CPED1: variants seen among roughly 807,000 people sequenced by gnomAD.
The protein encoded by CPED1 is cadherin like and PC-esterase domain containing 1.
A neutral mutation model predicts 128.2 loss-of-function variants in CPED1; 114 were observed. The observed-to-expected ratio is 0.89, with a 90% CI of 0.76 to 1.04. The LOEUF (loss-of-function observed/expected upper bound fraction) is 1.04. CPED1 is among the 50% of genes least tolerant of loss of function. The pLI is 0.00. For missense variants in CPED1, 1,211 were observed against 1,207.1 expected (o/e 1.00, Z -0.05); for synonymous variants, 462 against 426.7 (o/e 1.08, Z -1.02).
In CPED1 at chr7:121,256,148, T is replaced by TTATGCCA. The variant is rs1285675712; in HGVS notation, c.2311-10078_2311-10072dup. ...ACAAAACAAAAAAAAAAAACAAAGC[T>TTATGCCA]TATGCCAAAGACATAACTACCCAAC... On this transcript the variant is annotated intron_variant, in intron 18 of 22. Coordinates refer to ENST00000310396, the MANE Select transcript of CPED1 (RefSeq NM_024913.5). 1.6e-3 allele frequency among the ~76,000 whole-genome samples: 196 copies of TTATGCCA among 125,482 alleles called. 1 individual carries two copies. Among genetic ancestry groups the TTATGCCA allele is most frequent in the African/African-American group, 5.8e-3 (166 of 28,464 alleles). The allele number at this position is 125,482 out of a possible 152,430, so 82.3% of individuals were successfully genotyped here. A position where few individuals can be genotyped will look rare whatever the true frequency, so the allele number is the denominator to read the frequency against.
chr7:121,204,448 A>G (rs1257746310), intron 16 of CPED1, among the ~76,000 whole-genome samples: 2 of 152,126 alleles, frequency 1.3e-5, no homozygotes, highest in African/African-American at 4.8e-5. Flanking sequence ...TTTCAAGTCT[A>G]CCAGTCCACA....
At chr7:121,269,885 C>A (rs929503502) in intron 21 of CPED1, among the ~76,000 whole-genome samples, 4 of 152,018 alleles carry the variant, frequency 2.6e-5, no homozygotes, top group Non-Finnish European at 5.9e-5. Context: ...GCAGACTATA[C>A]AAGAAGCATG....
chr7:121,106,930 C>T (rs1486161114), intron 7 of CPED1, among the ~76,000 whole-genome samples: 1 of 152,074 alleles, frequency 6.6e-6, no homozygotes, highest in East Asian at 1.9e-4. Flanking sequence ...AGAGTAAAAA[C>T]CAAGCCTGGG....
In CPED1 at chr7:121,254,333, G is replaced by A. The variant is rs142518573; in HGVS notation, c.2310+9995G>A. Among the ~76,000 whole-genome samples, 451 of 151,984 alleles carry A rather than the reference G, an allele frequency of 3.0e-3. 3 individuals are homozygous for A. Among genetic ancestry groups the A allele is most frequent in the African/African-American group, 0.01 (428 of 41,506 alleles). On this transcript the variant is annotated intron_variant, in intron 18 of 22. Transcript: ENST00000310396. ...CTTTTGGGAGAAGAATGAAATTAAG[G>A]CATAAATTTAAAATTTGTTTGAAAT... is the stretch of plus-strand genomic sequence containing the variant.
chr7:121,069,913 T>C (rs1340923735), intron 5 of CPED1, among the ~76,000 whole-genome samples: 1 of 152,102 alleles, frequency 6.6e-6, no homozygotes, highest in Non-Finnish European at 1.5e-5. Flanking sequence ...TGCCCAATTT[T>C]TGGCCATAAC....
rs10682627 is a variant in CPED1, at chr7:121,027,742, GTAATAATAATAA to G, written c.433+11920_433+11931del. 3.6e-3 allele frequency among the ~76,000 whole-genome samples: 513 copies of G among 143,486 alleles called. 7 individuals carry two copies. The highest frequency in any genetic ancestry group is 0.013 in the Admixed American group (189 of 14,274). 94.1% of individuals were successfully genotyped at this position (143,486 alleles called of 152,430 possible). ...ACCAACAAGTTAATTATAACCTTTA[GTAATAATAATAA>G]TAATAATAATAATAATAATAATAAT... On this transcript the variant is annotated intron_variant, in intron 3 of 22. Coordinates refer to ENST00000310396, the MANE Select transcript of CPED1 (RefSeq NM_024913.5).
intron 5 of CPED1, among the ~76,000 whole-genome samples, chr7:121,092,100 C>T (rs1794585068): frequency 6.6e-6 from 1 of 152,124 alleles, no homozygotes; most frequent in Non-Finnish European, 1.5e-5. Flanking sequence ...TTCCAGGGGG[C>T]TTTGCTGATA....
At chr7:121,004,270 A>T (rs1005388803) in intron 2 of CPED1, among the ~76,000 whole-genome samples, 1 of 152,218 alleles carries the variant, frequency 6.6e-6, no homozygotes, top group African/African-American at 2.4e-5. Context: ...GATGCTATGC[A>T]TGGGATTGAC....
intron 16 of CPED1, among the ~76,000 whole-genome samples, chr7:121,147,636 A>G (rs1349288657): frequency 6.6e-6 from 1 of 152,120 alleles, no homozygotes; most frequent in African/African-American, 2.4e-5. Context: ...TAGATGATCT[A>G]TGGTATCATA....
chr7:121,193,611 G>T (rs1000230538), intron 16 of CPED1, among the ~76,000 whole-genome samples: 1 of 152,058 alleles, frequency 6.6e-6, no homozygotes, highest in East Asian at 1.9e-4. Context: ...CAAATGAAGG[G>T]CAGAGGAAAA....
At chr7:121,130,465 G>T (rs1267384749) in intron 12 of CPED1, among the ~76,000 whole-genome samples, 171 bp downstream of exon 12, 1 of 152,048 alleles carries the variant, frequency 6.6e-6, no homozygotes, top group Non-Finnish European at 1.5e-5. Flanking sequence ...AATGATTCTA[G>T]TGGTCTTCAA....
intron 16 of CPED1, among the ~76,000 whole-genome samples, chr7:121,188,405 C>T (rs1228766740): frequency 6.6e-6 from 1 of 152,088 alleles, no homozygotes; most frequent in African/African-American, 2.4e-5. Context: ...AGCATTTATC[C>T]TTTGCATCAC....
chr7:121,289,440 C>G (rs544703955), intron 22 of CPED1, among the ~76,000 whole-genome samples: 61 of 152,234 alleles, frequency 4.0e-4, no homozygotes, highest in African/African-American at 1.5e-3. Flanking sequence ...ACCAAAAGGT[C>G]ACTATTGTTA....
At chr7:121,259,782 A>C (rs891293868) in intron 18 of CPED1, among the ~76,000 whole-genome samples, 1 of 152,036 alleles carries the variant, frequency 6.6e-6, no homozygotes, top group African/African-American at 2.4e-5. Flanking sequence ...GCCAGTAATA[A>C]AATATCTGAG....
chr7:121,107,958 G>A (rs1310171502), intron 7 of CPED1, among the ~76,000 whole-genome samples: 6 of 152,026 alleles, frequency 3.9e-5, no homozygotes, highest in Non-Finnish European at 5.9e-5. Flanking sequence ...TGTCTTATGT[G>A]ATTTATTCAT....
chr7:121,050,757 C>A (rs759070542), intron 4 of CPED1: 5 of 453,354 alleles, frequency 1.1e-5, no homozygotes, highest in Non-Finnish European at 1.8e-5. Context: ...AGCCACCGTG[C>A]CCGGCCACAG....
intron 16 of CPED1, among the ~76,000 whole-genome samples, chr7:121,161,445 T>C (rs1355682868): frequency 5.9e-5 from 9 of 152,174 alleles, no homozygotes; most frequent in Admixed American, 5.9e-4. Context: ...TGAATCTCTC[T>C]CCCAGGATTT....
At chr7:121,114,917 G>A (rs529144071) in intron 7 of CPED1, among the ~76,000 whole-genome samples, 5 of 152,134 alleles carry the variant, frequency 3.3e-5, no homozygotes, top group South Asian at 2.1e-4. Context: ...ATGCATAATC[G>A]TCTGTTGATT....
Position 121,140,893 on chromosome 7 carries a change from T to C in CPED1, c.1766T>C (p.Phe589Ser). The C allele has an allele frequency of 6.2e-7, 1 of 1,612,600 alleles. No individual in the cohort carries two copies. Among genetic ancestry groups the C allele is most frequent in the East Asian group, 2.2e-5 (1 of 44,838 alleles). ...THPHLELNPD[F>S]HPKIKDYYCE... ...CCACATTTGGAACTAAATCCTGACT[T>C]TCATCCAAAGATCAAAGATTATTAC... The change falls in exon 15 of 23, where the codon TTT (phenylalanine) becomes TCT (serine). Residue 589 changes from phenylalanine to serine, a missense_variant. Transcript: ENST00000310396.
Sources: gnomAD v4.1 joint callset for allele counts (sites outside exome capture counted in the v4.1 genomes callset) on GRCh38, gnomAD v4.1.1 for gene constraint, MANE v1.5 for transcripts, NCBI Gene and HGNC (gene_info 2026-07-23, HGNC 2026-07-21) for gene names.